PARG: variants seen among roughly 807,000 people sequenced by gnomAD.
The protein encoded by PARG is mitochondrial poly(ADP-ribose) glycohydrolase.
PARG carries 35 observed loss-of-function variants against 113.0 expected under a neutral mutation model. That is an observed-to-expected ratio of 0.31 (90% CI 0.24 to 0.41). The LOEUF (loss-of-function observed/expected upper bound fraction) is 0.41. Among genes scored for constraint, PARG ranks in the 10% least tolerant of loss-of-function variants. PARG has a pLI of 1.00. For synonymous variants in PARG, 330 were observed against 409.9 expected (o/e 0.81, Z 2.36); for missense variants, 797 against 1,169.4 (o/e 0.68, Z 4.64).
At chr10:49,859,900 A>G (rs1554835647) in intron 12 of PARG, among the ~76,000 whole-genome samples, 1 of 152,126 alleles carries the variant, frequency 6.6e-6, no homozygotes, top group African/African-American at 2.4e-5. Context: ...GTACATGAAA[A>G]CAAGAATGTG....
chr10:49,926,206 T>C (rs1438788443), intron 4 of PARG, among the ~76,000 whole-genome samples: 1 of 151,128 alleles, frequency 6.6e-6, no homozygotes, highest in Non-Finnish European at 1.5e-5. Context: ...AAAGGCAAAA[T>C]GGAAGAAAGG....
At chr10:49,920,464 ATATATAT>A (rs547212615) in intron 6 of PARG, among the ~76,000 whole-genome samples, 2,869 of 45,652 alleles carry the variant, frequency 0.063, 184 homozygotes, top group East Asian at 0.21. Flanking sequence ...AAAAAAAAAA[ATATATAT>A]ATATATATAT....
chr10:49,898,972 A>G (rs1181504694), intron 7 of PARG, among the ~76,000 whole-genome samples: 1 of 152,210 alleles, frequency 6.6e-6, no homozygotes, highest in South Asian at 2.1e-4. Context: ...AAGCTCCTTT[A>G]AGACAAGATT....
rs1167832075 is a variant in PARG, at chr10:49,928,195, C to T, written c.1455+3905G>A. 6.1e-4 allele frequency among the ~76,000 whole-genome samples: 92 copies of T among 150,664 alleles called. 2 individuals are homozygous for T. The highest frequency in any genetic ancestry group is 1.8e-4 in the Non-Finnish European group (12 of 67,692). On this transcript the variant is annotated intron_variant, in intron 4 of 17. Coordinates refer to ENST00000616448, the MANE Select transcript of PARG (RefSeq NM_003631.5). ...GTGAGGTAGGAGGATCGCTTGAACC[C>T]GGGAGGCAGAGGTTGCAGTGAGCCG...
intron 4 of PARG, among the ~76,000 whole-genome samples, chr10:49,923,842 T>C (rs1381293862): frequency 1.9e-4 from 29 of 152,074 alleles, no homozygotes; most frequent in Admixed American, 7.2e-4. Flanking sequence ...CAAGCAAGCA[T>C]ATGTACAACT....
chr10:49,887,724 G>A (rs1261836795), intron 7 of PARG, among the ~76,000 whole-genome samples: 1 of 152,010 alleles, frequency 6.6e-6, no homozygotes, highest in East Asian at 1.9e-4. Flanking sequence ...AGGCACTTTG[G>A]TTGTTTTCAG....
intron 13 of PARG, among the ~76,000 whole-genome samples, chr10:49,844,882 G>A (rs1282847291): frequency 1.3e-5 from 2 of 152,090 alleles, no homozygotes; most frequent in African/African-American, 4.8e-5. Context: ...CAGAATATGC[G>A]ACGAACTCCT....
intron 7 of PARG, among the ~76,000 whole-genome samples, chr10:49,897,513 C>G (rs1279224049): frequency 6.6e-6 from 1 of 152,196 alleles, no homozygotes; most frequent in Non-Finnish European, 1.5e-5. Context: ...GTCCTCTGAT[C>G]TGTGAAACAC....
In PARG at chr10:49,933,764, G is replaced by A; in HGVS notation, c.684C>T (p.Ala228=). The A allele has an allele frequency of 3.1e-6, 5 of 1,613,334 alleles. No homozygotes were observed. The highest frequency in any genetic ancestry group is 4.2e-6 in the Non-Finnish European group (5 of 1,179,390). The change falls in exon 3 of 18, where the codon GCC becomes GCT. Residue 228 remains alanine (A), a synonymous_variant. Transcript: ENST00000616448. ...NAKQTTEDEQ[A]REAKSHQKCS... ...ACTTCTGGTGGCTTTTGGCTTCTCT[G>A]GCCTGTTCATCTTCTGTAGTCTGCT...
At chr10:49,820,538 A>G (rs1242614831) in intron 16 of PARG, among the ~76,000 whole-genome samples, 2 of 151,948 alleles carry the variant, frequency 1.3e-5, no homozygotes, top group Non-Finnish European at 2.9e-5. Context: ...CCTGGCCAAC[A>G]TGGTGAAACC....
intron 9 of PARG, among the ~76,000 whole-genome samples, chr10:49,877,387 T>C (rs1489929722): frequency 6.6e-6 from 1 of 151,980 alleles, no homozygotes; most frequent in Non-Finnish European, 1.5e-5. Flanking sequence ...TGTGGAGTTA[T>C]AAGAAATGCT....
At position 49,868,368 on chromosome 10, in the gene PARG, A is replaced by C. The variant is rs181077183; in HGVS notation, c.2068+1108T>G. On this transcript the variant is annotated intron_variant, in intron 10 of 17. Coordinates refer to ENST00000616448, the MANE Select transcript of PARG (RefSeq NM_003631.5). ...ATAGGTCCAAATGATTCTGCATTGT[A>C]ATATTTCATTCAGTACAGGGCACAA... Among the ~76,000 whole-genome samples, 222 of 152,326 alleles carry C rather than the reference A, an allele frequency of 1.5e-3. 3 individuals carry two copies. The highest frequency in any genetic ancestry group is 0.012 in the Admixed American group (188 of 15,300).
chr10:49,843,605 C>A lies in PARG; in HGVS notation c.2381G>T (p.Gly794Val), dbSNP rs1554832778. Residue 794 changes from glycine (G) to valine (V), a missense_variant, in exon 14 of 18, where the codon GGC (glycine) becomes GTC (valine). Gly to Val is a moderately radical substitution (Grantham distance 109). This residue lies in a region of PARG where 194 missense variants were observed against 247.1 expected (regional missense o/e 0.79). Coordinates refer to ENST00000616448, the MANE Select transcript of PARG (RefSeq NM_003631.5). ...GGACCAACGATATGTCTCAGCATAGCCTGTGTATTCACTGTACTGCTCAGT... is the reference window on the plus strand; with the variant it reads ...GGACCAACGATATGTCTCAGCATAGACTGTGTATTCACTGTACTGCTCAGT... ...TGTEQYSEYT[G>V]YAETYRWSRS... is the part of the protein sequence containing the mutation. 1 of 1,550,776 alleles carries A rather than the reference C, an allele frequency of 6.4e-7. No individual in the cohort carries two copies. Among genetic ancestry groups the A allele is most frequent in the African/African-American group, 1.4e-5 (1 of 73,122 alleles).
At chr10:49,830,407 G>A (rs1554830122) in intron 16 of PARG, among the ~76,000 whole-genome samples, 1 of 152,188 alleles carries the variant, frequency 6.6e-6, no homozygotes, top group Non-Finnish European at 1.5e-5. Context: ...AAATGTAGGT[G>A]AAAGTCTTTA....
At chr10:49,917,744 G>C (rs1554848056) in intron 6 of PARG, among the ~76,000 whole-genome samples, 1 of 149,972 alleles carries the variant, frequency 6.7e-6, no homozygotes, top group Non-Finnish European at 1.5e-5. Context: ...CTTAAGCAAA[G>C]GAGGTTGAGG....
chr10:49,847,674 G>A (rs1213554185), intron 13 of PARG, among the ~76,000 whole-genome samples: 4 of 143,150 alleles, frequency 2.8e-5, no homozygotes, highest in Non-Finnish European at 6.1e-5. Flanking sequence ...GGTCATAATT[G>A]GAATAACAAA....
At chr10:49,839,466 T>G (rs967894724) in intron 15 of PARG, among the ~76,000 whole-genome samples, 1 of 152,260 alleles carries the variant, frequency 6.6e-6, no homozygotes, top group African/African-American at 2.4e-5. Flanking sequence ...GCCAGGTTAC[T>G]TGAAGACTCA....
chr10:49,894,317 C>T (rs1339086787), intron 7 of PARG, among the ~76,000 whole-genome samples: 1 of 151,352 alleles, frequency 6.6e-6, no homozygotes, highest in Non-Finnish European at 1.5e-5. Flanking sequence ...GCTGGGATAA[C>T]AGGCATGAGC....
chr10:49,834,801 C>T (rs1844835692), intron 15 of PARG, among the ~76,000 whole-genome samples: 1 of 152,132 alleles, frequency 6.6e-6, no homozygotes, highest in Admixed American at 6.5e-5. Flanking sequence ...GATGGTGCCA[C>T]TGCACTCCAG....
Sources: allele counts gnomAD v4.1 joint callset (sites outside exome capture counted in the v4.1 genomes callset), GRCh38; gene constraint gnomAD v4.1.1; regional missense constraint gnomAD v4.1.1; transcripts MANE v1.5; gene names NCBI Gene and HGNC (gene_info 2026-07-23, HGNC 2026-07-21).